DNAH5: variants seen among roughly 807,000 people sequenced by gnomAD.
The protein encoded by DNAH5 is dynein axonemal heavy chain 5.
A neutral mutation model predicts 518.2 loss-of-function variants in DNAH5; 372 were observed. That is an observed-to-expected ratio of 0.72 (90% confidence interval 0.66 to 0.78). The LOEUF is 0.78. Among genes scored for constraint, DNAH5 ranks in the 30% least tolerant of loss-of-function variants. DNAH5 has a pLI of 0.00. For missense variants in DNAH5, 5,523 were observed against 5,687.0 expected, an observed-to-expected ratio of 0.97 and a Z score of 0.93; for synonymous variants, 2,039 against 2,025.9, an observed-to-expected ratio of 1.01 and a Z score of -0.17.
Position 13,707,905 on chromosome 5 carries a change from C to T in DNAH5, c.13338+218G>A, listed in dbSNP as rs111321290. Reference sequence around the variant, plus strand: ...AAAATACAAAATTTAAGTAAAATAACGCATGTAAATGCCCTAGCAGAGAAC... The same window carrying T: ...AAAATACAAAATTTAAGTAAAATAATGCATGTAAATGCCCTAGCAGAGAAC... On this transcript the variant is annotated intron_variant, in intron 76 of 78. Coordinates refer to ENST00000265104, the MANE Select transcript of DNAH5 (RefSeq NM_001369.3). The surrounding 1 kb of genome is among the most constrained non-coding windows in gnomAD (Gnocchi z 4.0). Among the ~76,000 whole-genome samples, 1,711 of 152,158 alleles carry T rather than the reference C, an allele frequency of 0.011. 30 individuals are homozygous for T. Among genetic ancestry groups the T allele is most frequent in the African/African-American group, 0.039 (1,602 of 41,514 alleles).
intron 17 of DNAH5, among the ~76,000 whole-genome samples, chr5:13,889,750 C>T (rs926246534): frequency 6.6e-5 from 10 of 152,058 alleles, no homozygotes; most frequent in Non-Finnish European, 1.2e-4. Context: ...CGGTGAGCTC[C>T]GGGCAAGCCT....
intron 65 of DNAH5, among the ~76,000 whole-genome samples, chr5:13,747,043 C>T (rs905402919): frequency 3.9e-5 from 6 of 152,178 alleles, no homozygotes; most frequent in Admixed American, 3.9e-4. Flanking sequence ...CCCCTCTCCC[C>T]CCACCCCACA....
intron 65 of DNAH5, among the ~76,000 whole-genome samples, chr5:13,746,728 C>T (rs1354022407): frequency 2.6e-5 from 4 of 152,040 alleles, no homozygotes. Context: ...GATTGGCAGG[C>T]AATACGCTCA....
In DNAH5 at chr5:13,805,626, G is replaced by A. The variant is rs553126306; in HGVS notation, c.7887+1965C>T. ...GAGTGTCCAGGTTGGTGATATACAT[G>A]ATATGCCTGGAAGGTAGCACATCCT... On this transcript the variant is annotated intron_variant, in intron 47 of 78. Coordinates refer to ENST00000265104, the MANE Select transcript of DNAH5 (RefSeq NM_001369.3). Among the ~76,000 whole-genome samples, 166 of 152,298 alleles carry A rather than the reference G, an allele frequency of 1.1e-3. 1 individual carries two copies. Among genetic ancestry groups the A allele is most frequent in the African/African-American group, 3.9e-3 (162 of 41,556 alleles).
chr5:13,900,025 G>A (rs557592469), intron 15 of DNAH5, 181 bp downstream of exon 15: 2 of 609,392 alleles, frequency 3.3e-6, no homozygotes, highest in South Asian at 2.1e-5. Context: ...ATCTTGGCCT[G>A]CAAGACCTGT....
At chr5:13,864,255 G>A in intron 28 of DNAH5, 142 bp downstream of exon 28, 1 of 1,080,162 alleles carries the variant, frequency 9.3e-7, no homozygotes, top group African/African-American at 1.5e-5. Context: ...ATAAGCATTT[G>A]TTGAAGGAAC....
intron 12 of DNAH5, among the ~76,000 whole-genome samples, chr5:13,905,418 C>A (rs541172885): frequency 7.2e-5 from 11 of 152,308 alleles, no homozygotes; most frequent in African/African-American, 2.6e-4. Context: ...AGCAAGAAGG[C>A]CCTCATCAGA....
intron 1 of DNAH5, among the ~76,000 whole-genome samples, chr5:13,989,635 C>T (rs1783363878): frequency 6.6e-6 from 1 of 152,002 alleles, no homozygotes; most frequent in Non-Finnish European, 1.5e-5. Context: ...AGGCGCCCGC[C>T]ATCACACCCG....
chr5:13,997,321 T>C (rs1418389594), intron 1 of DNAH5, among the ~76,000 whole-genome samples: 1 of 152,240 alleles, frequency 6.6e-6, no homozygotes, highest in Non-Finnish European at 1.5e-5. Context: ...TTTCTTCCAC[T>C]AAATATTCTG....
intron 1 of DNAH5, among the ~76,000 whole-genome samples, chr5:13,962,418 C>T (rs1781246709): frequency 6.6e-6 from 1 of 152,128 alleles, no homozygotes; most frequent in Non-Finnish European, 1.5e-5. Flanking sequence ...CATTATAGTA[C>T]ACATCTTTGT....
At position 13,735,805 on chromosome 5, in the gene DNAH5, C is replaced by T. The variant is rs80199741; in HGVS notation, c.11570+13G>A. The T allele has an allele frequency of 2.3e-4, 362 of 1,602,836 alleles. 1 individual carries two copies. The East Asian group carries it at 5.2e-3, about 23-fold the overall frequency. On this transcript the variant is annotated intron_variant, in intron 67 of 78. Transcript: ENST00000265104. ...ATATAGAATTCAGCTTGGCTTCCCG[C>T]GTACAGACGTACCTGGCTAAGGAAA...
chr5:13,849,219 C>A (rs917318410), intron 31 of DNAH5, among the ~76,000 whole-genome samples: 52 of 152,346 alleles, frequency 3.4e-4, no homozygotes, highest in African/African-American at 1.0e-3. Context: ...AGTGCAGACT[C>A]CCTGTCCTCT....
intron 35 of DNAH5, among the ~76,000 whole-genome samples, chr5:13,833,520 T>A (rs1284942576): frequency 6.7e-6 from 1 of 148,930 alleles, no homozygotes; most frequent in Non-Finnish European, 1.5e-5. Flanking sequence ...ATAACAAACA[T>A]TTGCTGTGTC....
intron 30 of DNAH5, among the ~76,000 whole-genome samples, chr5:13,852,562 G>A (rs795514): frequency 0.44 from 66,689 of 151,940 alleles, 14,864 homozygotes; most frequent in South Asian, 0.5. Context: ...CAGGTAGCCA[G>A]GTGGTCTTGC....
At chr5:13,701,580 G>C (rs993699652) in intron 76 of DNAH5, 144 bp from the exon 77 acceptor site, 39 of 764,936 alleles carry the variant, frequency 5.1e-5, no homozygotes, top group Middle Eastern at 7.2e-4. Context: ...AATTTTCCCT[G>C]GATTCTGGCG....
chr5:13,775,581 CACTA>C (rs1753972540), intron 55 of DNAH5, among the ~76,000 whole-genome samples: 1 of 152,110 alleles, frequency 6.6e-6, no homozygotes, highest in Non-Finnish European at 1.5e-5. Flanking sequence ...GTACTGATCC[CACTA>C]ACTTTTTCCA....
chr5:13,934,607 G>A (rs868104234), intron 1 of DNAH5, among the ~76,000 whole-genome samples: 17 of 152,114 alleles, frequency 1.1e-4, no homozygotes, highest in African/African-American at 3.9e-4. Flanking sequence ...TAATAGAGAG[G>A]AAAATTTAGA....
intron 1 of DNAH5, among the ~76,000 whole-genome samples, chr5:13,961,395 G>A (rs1781166336): frequency 1.3e-5 from 2 of 152,128 alleles, no homozygotes; most frequent in South Asian, 4.2e-4. Flanking sequence ...TGTAATCCCA[G>A]CACTTTAGGA....
In DNAH5 at chr5:13,920,667, C is replaced by CAG. The variant is rs1777155223; in HGVS notation, c.661-52_661-51dup. On this transcript the variant is annotated intron_variant, in intron 5 of 78. Transcript: ENST00000265104. ...TCAGATGATGCTTTTGTAAAACACA[C>CAG]AGACTGTGGGCCCTGTGTTTTCCAC... 10 of 1,604,394 alleles carry CAG rather than the reference C, an allele frequency of 6.2e-6. No homozygotes were observed. In the East Asian group the frequency reaches 2.2e-4, roughly 36 times the overall value.
Sources: allele counts gnomAD v4.1 joint callset (sites outside exome capture counted in the v4.1 genomes callset), GRCh38; gene constraint gnomAD v4.1.1; non-coding constraint Gnocchi (gnomAD v3.1); transcripts MANE v1.5; gene names NCBI Gene and HGNC (gene_info 2026-07-23, HGNC 2026-07-21).